TMEM185B: variants seen among roughly 807,000 people sequenced by gnomAD.
TMEM185B encodes ee3_2.
TMEM185B carries 9 observed loss-of-function variants against 26.2 expected under a neutral mutation model. The ratio of observed to expected loss-of-function variants is 0.34; its 90% CI spans 0.21 to 0.60. The LOEUF is 0.60. Ranked by LOEUF, TMEM185B falls within the 20% of genes least tolerant of loss-of-function variation. The pLI is 0.80. For synonymous variants in TMEM185B, 204 were observed against 191.8 expected (o/e 1.06, Z -0.52); for missense variants, 392 against 447.9 (o/e 0.88, Z 1.13).
In TMEM185B at chr2:120,221,825, CGA is replaced by C. The variant is rs1688591595; in HGVS notation, c.*97_*98del. 1.0e-6 allele frequency: 1 copy of C among 976,654 alleles called. No homozygotes were observed. The highest frequency in any genetic ancestry group is 2.9e-5 in the Admixed American group (1 of 34,730). 60.5% of individuals were successfully genotyped at this position (976,654 alleles called of 1,614,324 possible). A position where few individuals can be genotyped will look rare whatever the true frequency, so the allele number is the denominator to read the frequency against. ...CGGTGATCTCAAACACGGCGTGAGA[CGA>C]GTGTTTGAAGCCTGTTTCCATTTCC... On this transcript the variant is annotated 3_prime_UTR_variant, in exon 1 of 1. Transcript: ENST00000426077.
Position 120,222,891 on chromosome 2 carries a change from G to A in TMEM185B, c.86C>T (p.Pro29Leu). ...TTGGATGATGCCGTCCAGGCGGAGG[G>A]GCAGCAGCACCGAGAAGAGCAGCAG... ...TCLLLFSVLL[P>L]LRLDGIIQWS... Residue 29 changes from proline (P) to leucine (L), a missense_variant, in exon 1 of 1, where the codon CCC becomes CTC. By Grantham distance (98) the Pro-to-Leu change is moderately conservative. This residue lies in a region of TMEM185B where 175 missense variants were observed against 169.1 expected (regional missense o/e 1.03). Coordinates refer to ENST00000426077, the MANE Select transcript of TMEM185B (RefSeq NM_024121.3). 1 of 1,460,060 alleles carries A rather than the reference G, an allele frequency of 6.8e-7. No individual in the cohort carries two copies. The highest frequency in any genetic ancestry group is 9.0e-7 in the Non-Finnish European group (1 of 1,113,888). 90.4% of individuals were successfully genotyped at this position (1,460,060 alleles called of 1,614,324 possible).
Position 120,222,609 on chromosome 2 carries a change from G to T in TMEM185B, c.368C>A (p.Ser123Tyr), listed in dbSNP as rs1240321856. ...GACGCAGGCAGCCACGGACACGGGG[G>T]ACACGAAGAAGAGAGGCATGAAGAC... ...LLVFMPLFFVSPVSVAACVWG... is the reference protein window; with the variant it reads ...LLVFMPLFFVYPVSVAACVWG... The change falls in exon 1 of 1, where the codon TCC becomes TAC. Residue 123 changes from serine (S) to tyrosine (Y), a missense_variant. Physicochemically the swap from Ser to Tyr is moderately radical, Grantham distance 144. Around this residue, in one of 3 missense-constraint regions of TMEM185B, gnomAD observed 175 missense variants for 169.1 expected, o/e 1.03. Transcript: ENST00000426077. The T allele has an allele frequency of 1.3e-6, 2 of 1,536,474 alleles. No homozygotes were observed. The highest frequency in any genetic ancestry group is 3.9e-5 in the Admixed American group (2 of 51,008).
chr2:120,219,111 C>T lies in TMEM185B; in HGVS notation c.*2813G>A, dbSNP rs949125056. On this transcript the variant is annotated 3_prime_UTR_variant, in exon 1 of 1. Coordinates refer to ENST00000426077, the MANE Select transcript of TMEM185B (RefSeq NM_024121.3). ...ATGTTGTGGAGCAGACGTGATCAGA[C>T]CCCCAGCCTGGAGCATAACCTAGAA... is the stretch of plus-strand genomic sequence containing the variant. 6.6e-6 allele frequency among the ~76,000 whole-genome samples: 1 copy of T among 152,162 alleles called. No homozygotes were observed. The highest frequency in any genetic ancestry group is 2.4e-5 in the African/African-American group (1 of 41,436).
chr2:120,219,448 G>A lies in TMEM185B; in HGVS notation c.*2476C>T, dbSNP rs890689078. Among the ~76,000 whole-genome samples, 6 of 152,096 alleles carry A rather than the reference G, an allele frequency of 3.9e-5. No individual in the cohort carries two copies. The highest frequency in any genetic ancestry group is 3.9e-4 in the Admixed American group (6 of 15,276). ...ACTAGATGCTGGCTTTCCAACACCAGATAGCTTGGGGGAAGAGGAAGTTAA... is the reference window on the plus strand; with the variant it reads ...ACTAGATGCTGGCTTTCCAACACCAAATAGCTTGGGGGAAGAGGAAGTTAA... On this transcript the variant is annotated 3_prime_UTR_variant, in exon 1 of 1. Coordinates refer to ENST00000426077, the MANE Select transcript of TMEM185B (RefSeq NM_024121.3).
Position 120,223,002 on chromosome 2 carries a change from G to T in TMEM185B, c.-26C>A, listed in dbSNP as rs1039377535. ...GGCGGAGGCCGCCGCTTGCCTGCCC[G>T]GGCCTGCTCCCTCGCGACGCTCGGC... On this transcript the variant is annotated 5_prime_UTR_variant, in exon 1 of 1. Transcript: ENST00000426077. The T allele has an allele frequency of 2.9e-6, 4 of 1,372,356 alleles. No homozygotes were observed. The highest frequency in any genetic ancestry group is 3.8e-6 in the Non-Finnish European group (4 of 1,065,364). The allele number at this position is 1,372,356 out of a possible 1,614,324, so 85.0% of individuals were successfully genotyped here. A position where few individuals can be genotyped will look rare whatever the true frequency, so the allele number is the denominator to read the frequency against.
chr2:120,217,545 A>T lies in TMEM185B; in HGVS notation c.*4379T>A, dbSNP rs539114230. Among the ~76,000 whole-genome samples, 176 of 152,370 alleles carry T rather than the reference A, an allele frequency of 1.2e-3. No individual in the cohort carries two copies. Among genetic ancestry groups the T allele is most frequent in the Middle Eastern group, 3.4e-3 (1 of 294 alleles). On this transcript the variant is annotated 3_prime_UTR_variant, in exon 1 of 1. Transcript: ENST00000426077. ...ATCCATTACATGTTACCTTAAAAAA[A>T]TTTTTAAACCTATATTTTCCAAAAC...
At position 120,221,929 on chromosome 2, in the gene TMEM185B, C is replaced by T; in HGVS notation, c.1048G>A (p.Asp350Asn). 1 of 1,527,302 alleles carries T rather than the reference C, an allele frequency of 6.5e-7. No homozygotes were observed. Among genetic ancestry groups the T allele is most frequent in the Non-Finnish European group, 8.7e-7 (1 of 1,143,060 alleles). 94.6% of individuals were successfully genotyped at this position (1,527,302 alleles called of 1,614,324 possible). ...CCTGGGTCCTCTCTAGGAGTTTAATCTGGCATATCAATATTTAACTTGGGA... is the reference window on the plus strand; with the variant it reads ...CCTGGGTCCTCTCTAGGAGTTTAATTTGGCATATCAATATTTAACTTGGGA... The part of the protein sequence containing the change: ...PPPKLNIDMP[D>N] Residue 350 changes from aspartate to asparagine, a missense_variant, in exon 1 of 1, where the codon GAT becomes AAT. Asp to Asn is a conservative substitution (Grantham distance 23). Transcript: ENST00000426077.
At position 120,221,998 on chromosome 2, in the gene TMEM185B, TG is replaced by T. The variant is rs1688595779; in HGVS notation, c.978del (p.Arg327GlufsTer2). 1 of 1,539,010 alleles carries T rather than the reference TG, an allele frequency of 6.5e-7. No homozygotes were observed. Among genetic ancestry groups the T allele is most frequent in the Non-Finnish European group, 8.7e-7 (1 of 1,146,916 alleles). On this transcript the variant is annotated frameshift_variant, in exon 1 of 1. Coordinates refer to ENST00000426077, the MANE Select transcript of TMEM185B (RefSeq NM_024121.3). LOFTEE classifies it high-confidence loss of function. ...PKIAPIFGKK[A>X]RVVITQSPGK... ...CCAGGGCTCTGGGTTATAACTACTC[TG>T]GCCTTCTTTCCAAATATTGGAGCAA...
Position 120,222,530 on chromosome 2 carries a change from G to A in TMEM185B, c.447C>T (p.Asn149=). Residue 149 remains asparagine, a synonymous_variant, in exon 1 of 1, where the codon AAC becomes AAT. Coordinates refer to ENST00000426077, the MANE Select transcript of TMEM185B (RefSeq NM_024121.3). Reference sequence around the variant, plus strand: ...GGGCGATGAAGATGAACTGCAGGATGTTGACCGAGCACAGGATCTCCAGCT... The same window carrying A: ...GGGCGATGAAGATGAACTGCAGGATATTGACCGAGCACAGGATCTCCAGCT... The part of the protein sequence containing the change: ...SLELEILCSV[N]ILQFIFIALK... 2 of 1,536,360 alleles carry A rather than the reference G, an allele frequency of 1.3e-6. No homozygotes were observed. The highest frequency in any genetic ancestry group is 1.7e-6 in the Non-Finnish European group (2 of 1,146,958).
At position 120,222,459 on chromosome 2, in the gene TMEM185B, A is replaced by C; in HGVS notation, c.518T>G (p.Val173Gly). ...GAACGACATGAGGATCCACAGGGGC[A>C]CAAACACCACCAGCCACGGCCAGTG... Reference protein sequence around the residue: ...IIHWPWLVVFVPLWILMSFLC... With the variant: ...IIHWPWLVVFGPLWILMSFLC... Residue 173 changes from valine (V) to glycine (G), a missense_variant, in exon 1 of 1, where the codon GTG becomes GGG. Physicochemically the swap from Val to Gly is moderately radical, Grantham distance 109. Transcript: ENST00000426077. 1 of 1,536,192 alleles carries C rather than the reference A, an allele frequency of 6.5e-7. No homozygotes were observed. The highest frequency in any genetic ancestry group is 8.7e-7 in the Non-Finnish European group (1 of 1,146,918).
chr2:120,221,830 G>A lies in TMEM185B; in HGVS notation c.*94C>T. On this transcript the variant is annotated 3_prime_UTR_variant, in exon 1 of 1. Coordinates refer to ENST00000426077, the MANE Select transcript of TMEM185B (RefSeq NM_024121.3). ...ATCTCAAACACGGCGTGAGACGAGT[G>A]TTTGAAGCCTGTTTCCATTTCCAGG... The A allele has an allele frequency of 3.8e-6, 4 of 1,053,344 alleles. No homozygotes were observed. The highest frequency in any genetic ancestry group is 2.9e-5 in the Admixed American group (1 of 35,074). 65.2% of individuals were successfully genotyped at this position (1,053,344 alleles called of 1,614,324 possible).
chr2:120,223,335 T>G lies in TMEM185B; in HGVS notation c.-359A>C, dbSNP rs1688629602. Reference sequence around the variant, plus strand: ...CGAAGGGGCCTGGCGCGCTGCTGACTCCCCAAGCGGCCCGCGACCTTGGGC... The same window carrying G: ...CGAAGGGGCCTGGCGCGCTGCTGACGCCCCAAGCGGCCCGCGACCTTGGGC... On this transcript the variant is annotated 5_prime_UTR_variant, in exon 1 of 1. Transcript: ENST00000426077. 1 of 170,466 alleles carries G rather than the reference T, an allele frequency of 5.9e-6. No homozygotes were observed. The highest frequency in any genetic ancestry group is 1.2e-5 in the Non-Finnish European group (1 of 80,590). The allele number at this position is 170,466 out of a possible 1,614,324, so 10.6% of individuals were successfully genotyped here. A position where few individuals can be genotyped will look rare whatever the true frequency, so the allele number is the denominator to read the frequency against.
At position 120,221,962 on chromosome 2, in the gene TMEM185B, G is replaced by GA. The variant is rs1189261061; in HGVS notation, c.1014dup (p.Pro339SerfsTer9). On this transcript the variant is annotated frameshift_variant, in exon 1 of 1. Coordinates refer to ENST00000426077, the MANE Select transcript of TMEM185B (RefSeq NM_024121.3). LOFTEE classifies it high-confidence loss of function. ...TCAATATTTAACTTGGGAGGGGGGGGAACGTATTTCCCAGGGCTCTGGGTT... is the reference window on the plus strand; with the variant it reads ...TCAATATTTAACTTGGGAGGGGGGGGAAACGTATTTCCCAGGGCTCTGGGTT... 2 of 1,534,666 alleles carry GA rather than the reference G, an allele frequency of 1.3e-6. No individual in the cohort carries two copies. The highest frequency in any genetic ancestry group is 1.7e-6 in the Non-Finnish European group (2 of 1,146,396).
Position 120,222,461 on chromosome 2 carries a change from A to G in TMEM185B, c.516T>C (p.Phe172=). The G allele has an allele frequency of 6.5e-7, 1 of 1,536,180 alleles. No homozygotes were observed. The highest frequency in any genetic ancestry group is 2.4e-5 in the East Asian group (1 of 40,924). ...ACGACATGAGGATCCACAGGGGCACAAACACCACCAGCCACGGCCAGTGAA... is the reference window on the plus strand; with the variant it reads ...ACGACATGAGGATCCACAGGGGCACGAACACCACCAGCCACGGCCAGTGAA... ...RIIHWPWLVV[F]VPLWILMSFL... The change falls in exon 1 of 1, where the codon TTT becomes TTC. Residue 172 remains phenylalanine, a synonymous_variant. Transcript: ENST00000426077.
In TMEM185B at chr2:120,222,604, C is replaced by A; in HGVS notation, c.373G>T (p.Val125Leu). Residue 125 changes from valine (V) to leucine (L), a missense_variant, in exon 1 of 1, where the codon GTG (valine) becomes TTG (leucine). Coordinates refer to ENST00000426077, the MANE Select transcript of TMEM185B (RefSeq NM_024121.3). ...VFMPLFFVSP[V>L]SVAACVWGFR... ...CCCCAGACGCAGGCAGCCACGGACA[C>A]GGGGGACACGAAGAAGAGAGGCATG... 6.5e-7 allele frequency: 1 copy of A among 1,536,470 alleles called. No homozygotes were observed. The highest frequency in any genetic ancestry group is 8.7e-7 in the Non-Finnish European group (1 of 1,147,026).
At position 120,217,841 on chromosome 2, in the gene TMEM185B, G is replaced by T. The variant is rs13406792; in HGVS notation, c.*4083C>A. Among the ~76,000 whole-genome samples, 1 of 152,160 alleles carries T rather than the reference G, an allele frequency of 6.6e-6. No homozygotes were observed. Among genetic ancestry groups the T allele is most frequent in the African/African-American group, 2.4e-5 (1 of 41,404 alleles). ...AGAGAGAGCCATGACCAAACCAGAG[G>T]GAGAGACACCTGCAGATATCCTGGG... is the stretch of plus-strand genomic sequence containing the variant. On this transcript the variant is annotated 3_prime_UTR_variant, in exon 1 of 1. Transcript: ENST00000426077.
chr2:120,222,584 G>C lies in TMEM185B; in HGVS notation c.393C>G (p.Val131=). 17 of 1,536,472 alleles carry C rather than the reference G, an allele frequency of 1.1e-5. No individual in the cohort carries two copies. Among genetic ancestry groups the C allele is most frequent in the Non-Finnish European group, 1.5e-5 (17 of 1,147,030 alleles). The change falls in exon 1 of 1, where the codon GTC becomes GTG. Residue 131 remains valine (V), a synonymous_variant. Coordinates refer to ENST00000426077, the MANE Select transcript of TMEM185B (RefSeq NM_024121.3). ...GCGACCTATCGTGTCGAAAGCCCCA[G>C]ACGCAGGCAGCCACGGACACGGGGG... ...FVSPVSVAAC[V]WGFRHDRSLE...
Position 120,223,079 on chromosome 2 carries a change from C to T in TMEM185B, c.-103G>A. The T allele has an allele frequency of 3.3e-6, 3 of 910,386 alleles. No individual in the cohort carries two copies. Among genetic ancestry groups the T allele is most frequent in the South Asian group, 4.0e-5 (1 of 25,066 alleles). The allele number at this position is 910,386 out of a possible 1,614,324, so 56.4% of individuals were successfully genotyped here. The stretch of plus-strand genomic sequence containing the variant: ...CGCCGCCTCCCGGGCCCCGCCCAAG[C>T]CGGCTCCGCGTGGACGAATGCCGGG... On this transcript the variant is annotated 5_prime_UTR_variant, in exon 1 of 1. Coordinates refer to ENST00000426077, the MANE Select transcript of TMEM185B (RefSeq NM_024121.3).
rs188174061 is a variant in TMEM185B at position 120,221,957 on chromosome 2, G to A, written c.1020C>T (p.Pro340=). 228 of 1,534,528 alleles carry A rather than the reference G, an allele frequency of 1.5e-4. No individual in the cohort carries two copies. In the African/African-American group the frequency reaches 2.6e-3, roughly 18 times the overall value. The part of the protein sequence containing the change: ...ITQSPGKYVP[P]PPKLNIDMPD ...GCATATCAATATTTAACTTGGGAGG[G>A]GGGGGAACGTATTTCCCAGGGCTCT... The change falls in exon 1 of 1, where the codon CCC becomes CCT. Residue 340 remains proline, a synonymous_variant. Transcript: ENST00000426077.
Sources: allele counts gnomAD v4.1 joint callset (sites outside exome capture counted in the v4.1 genomes callset), GRCh38; gene constraint gnomAD v4.1.1; regional missense constraint gnomAD v4.1.1; transcripts MANE v1.5; gene names NCBI Gene and HGNC (gene_info 2026-07-23, HGNC 2026-07-21).